The following WAC variants were observed in gnomAD, a reference collection of about 807,000 sequenced individuals.
WAC encodes WW domain containing adaptor with coiled-coil.
WAC carries 11 observed loss-of-function variants against 79.6 expected under a neutral mutation model. The ratio of observed to expected loss-of-function variants is 0.14; its 90% CI spans 0.09 to 0.23. The LOEUF (loss-of-function observed/expected upper bound fraction) is 0.23. Among genes scored for constraint, WAC ranks in the 10% least tolerant of loss-of-function variants. WAC has a pLI of 1.00. For missense variants in WAC, 728 were observed against 773.5 expected (o/e 0.94, Z 0.70); for synonymous variants, 304 against 276.9 (o/e 1.10, Z -0.97).
rs563564947 is a variant in WAC, at chr10:28,539,289, G to A, written c.274+3532G>A. Among the ~76,000 whole-genome samples the A allele has an allele frequency of 1.1e-4, 16 of 152,268 alleles. No individual in the cohort carries two copies. The South Asian group carries it at 3.1e-3, about 30-fold the overall frequency. On this transcript the variant is annotated intron_variant, in intron 3 of 13. Transcript: ENST00000354911. Reference sequence around the variant, plus strand: ...ACAATATAAAAAGTGAGAAATCAGGGATTGTGAAGGTTTTTATTCCCAAAA... The same window carrying A: ...ACAATATAAAAAGTGAGAAATCAGGAATTGTGAAGGTTTTTATTCCCAAAA...
At chr10:28,612,587 CTT>C (rs1301098215) in intron 10 of WAC, among the ~76,000 whole-genome samples, 1 of 152,076 alleles carries the variant, frequency 6.6e-6, no homozygotes, top group Non-Finnish European at 1.5e-5. Context: ...CTGTTTCAGA[CTT>C]TTTAATGCCA....
chr10:28,566,771 C>CT (rs1022857493), intron 3 of WAC, among the ~76,000 whole-genome samples: 1 of 152,122 alleles, frequency 6.6e-6, no homozygotes, highest in African/African-American at 2.4e-5. Context: ...TGCTGGGATG[C>CT]TTTTAGAATT....
At chr10:28,587,755 G>C (rs1475449441) in intron 4 of WAC, among the ~76,000 whole-genome samples, 1 of 152,174 alleles carries the variant, frequency 6.6e-6, no homozygotes, top group Non-Finnish European at 1.5e-5. Flanking sequence ...GTGATTGTAT[G>C]CTCTACCCTG....
At position 28,611,834 on chromosome 10, in the gene WAC, A is replaced by C; in HGVS notation, c.1349A>C (p.Tyr450Ser). ...LTSDASSPRS[Y>S]VSPRISTPQT... is the part of the protein sequence containing the mutation. ...TCTGATGCGTCATCCCCAAGATCATATGTTTCTCCAAGAATAAGCACACCT... is the reference window on the plus strand; with the variant it reads ...TCTGATGCGTCATCCCCAAGATCATCTGTTTCTCCAAGAATAAGCACACCT... Residue 450 changes from tyrosine (Y) to serine (S), a missense_variant, in exon 10 of 14, where the codon TAT (tyrosine) becomes TCT (serine). By Grantham distance (144) the Tyr-to-Ser change is moderately radical. Around this residue, in one of 3 missense-constraint regions of WAC, gnomAD observed 648 missense variants for 661.5 expected, o/e 0.98. Transcript: ENST00000354911. The C allele has an allele frequency of 6.2e-7, 1 of 1,614,116 alleles. No individual in the cohort carries two copies. Among genetic ancestry groups the C allele is most frequent in the African/African-American group, 1.3e-5 (1 of 75,042 alleles).
chr10:28,616,149 T>C (rs146640971), intron 11 of WAC, 24 bp from the exon 12 acceptor site: 7 of 1,553,586 alleles, frequency 4.5e-6, no homozygotes, highest in East Asian at 2.3e-5. Flanking sequence ...TTAAACATAC[T>C]ACACATTCAA....
Position 28,611,817 on chromosome 10 carries a change from G to A in WAC, c.1332G>A (p.Ala444=), listed in dbSNP as rs781389520. ...CTCCGATGTCTTTAACATCTGATGC[G>A]TCATCCCCAAGATCATATGTTTCTC... The part of the protein sequence containing the change: ...NQSPMSLTSD[A]SSPRSYVSPR... The change falls in exon 10 of 14, where the codon GCG becomes GCA. Residue 444 remains alanine (A), a synonymous_variant. Coordinates refer to ENST00000354911, the MANE Select transcript of WAC (RefSeq NM_016628.5). 1.3e-5 allele frequency: 21 copies of A among 1,613,776 alleles called. No individual in the cohort carries two copies. In the East Asian group the frequency reaches 2.0e-4, roughly 15 times the overall value.
intron 3 of WAC, among the ~76,000 whole-genome samples, chr10:28,573,022 G>A (rs1839057183): frequency 6.6e-6 from 1 of 152,174 alleles, no homozygotes; most frequent in Non-Finnish European, 1.5e-5. Flanking sequence ...AAAATCTGAA[G>A]TGAAGCCCAG....
At chr10:28,604,312 G>A (rs1021243958) in intron 7 of WAC, among the ~76,000 whole-genome samples, 1 of 150,988 alleles carries the variant, frequency 6.6e-6, no homozygotes, top group African/African-American at 2.4e-5. Flanking sequence ...AGTTAAATGC[G>A]AATGCATGTG....
rs1836466315 is a variant in WAC, at chr10:28,534,049, CG to C, written c.78+19del. On this transcript the variant is annotated intron_variant, in intron 2 of 13. Coordinates refer to ENST00000354911, the MANE Select transcript of WAC (RefSeq NM_016628.5). ...AGCCTTACCAGGTACCAGCCGAGGC[CG>C]GGGTGGAGGGATTGGAAGGGGCCGG... is the stretch of plus-strand genomic sequence containing the variant. 1.3e-6 allele frequency: 2 copies of C among 1,572,212 alleles called. No homozygotes were observed. Among genetic ancestry groups the C allele is most frequent in the African/African-American group, 1.4e-5 (1 of 70,694 alleles).
At chr10:28,571,516 A>G (rs947313275) in intron 3 of WAC, among the ~76,000 whole-genome samples, 3 of 152,216 alleles carry the variant, frequency 2.0e-5, no homozygotes, top group African/African-American at 7.2e-5. Context: ...GCTGTTGTTC[A>G]TAATGTGTCC....
intron 8 of WAC, among the ~76,000 whole-genome samples, chr10:28,609,724 CT>C (rs1335873652): frequency 1.3e-5 from 2 of 151,890 alleles, no homozygotes; most frequent in Non-Finnish European, 2.9e-5. Flanking sequence ...AATACAAAAA[CT>C]TAGCCAGGTG....
chr10:28,589,640 A>G (rs1396582519), intron 4 of WAC, 96 bp from the exon 5 acceptor site: 3 of 726,832 alleles, frequency 4.1e-6, no homozygotes, highest in East Asian at 5.6e-5. Context: ...CCTTTATCTC[A>G]TAAGTGTTTT....
chr10:28,538,022 C>T (rs12253291), intron 3 of WAC, among the ~76,000 whole-genome samples: 1 of 152,180 alleles, frequency 6.6e-6, no homozygotes, highest in South Asian at 2.1e-4. Context: ...TCTAACATAC[C>T]TGGCTGCCAT....
At chr10:28,578,951 C>T (rs956732298) in intron 3 of WAC, among the ~76,000 whole-genome samples, 2 of 152,066 alleles carry the variant, frequency 1.3e-5, no homozygotes, top group Non-Finnish European at 2.9e-5. Flanking sequence ...TTTTGCTCAC[C>T]ATTTAAGTTC....
chr10:28,601,976 A>G (rs1215525165), intron 7 of WAC, among the ~76,000 whole-genome samples: 1 of 152,210 alleles, frequency 6.6e-6, no homozygotes, highest in Admixed American at 6.5e-5. Flanking sequence ...ATAGTTGCAC[A>G]GAAATGTGGA....
intron 7 of WAC, among the ~76,000 whole-genome samples, chr10:28,606,797 A>G (rs923229568): frequency 2.6e-5 from 4 of 152,168 alleles, no homozygotes; most frequent in Admixed American, 2.0e-4. Flanking sequence ...GTGTGTACCT[A>G]AAGGGGAATT....
chr10:28,578,410 C>G (rs1378179402), intron 3 of WAC, among the ~76,000 whole-genome samples: 1 of 152,132 alleles, frequency 6.6e-6, no homozygotes, highest in Non-Finnish European at 1.5e-5. Context: ...ACTTCTAAGT[C>G]TGTGGATCTG....
chr10:28,561,476 A>G (rs1386718189), intron 3 of WAC, among the ~76,000 whole-genome samples: 1 of 151,152 alleles, frequency 6.6e-6, no homozygotes, highest in East Asian at 1.9e-4. Flanking sequence ...TTAATCCAAA[A>G]TGAAAAGTTC....
At chr10:28,545,529 A>G (rs949654032) in intron 3 of WAC, among the ~76,000 whole-genome samples, 2 of 152,204 alleles carry the variant, frequency 1.3e-5, no homozygotes, top group African/African-American at 4.8e-5. Flanking sequence ...GGGTTAATTT[A>G]AGTATTTATA....
Sources: allele counts gnomAD v4.1 joint callset (sites outside exome capture counted in the v4.1 genomes callset), GRCh38; gene constraint gnomAD v4.1.1; regional missense constraint gnomAD v4.1.1; transcripts MANE v1.5; gene names NCBI Gene and HGNC (gene_info 2026-07-23, HGNC 2026-07-21).